SHOX: variants seen among roughly 807,000 people sequenced by gnomAD.
SHOX encodes short stature homeobox protein.
A neutral mutation model predicts 29.6 loss-of-function variants in SHOX; 12 were observed. The ratio of observed to expected loss-of-function variants is 0.41; its 90% CI spans 0.26 to 0.66. The LOEUF (loss-of-function observed/expected upper bound fraction) is 0.66. Among genes scored for constraint, SHOX ranks in the 30% least tolerant of loss-of-function variants. SHOX has a pLI of 0.35. For synonymous variants in SHOX, 214 were observed against 200.6 expected, an observed-to-expected ratio of 1.07 and a Z score of -0.57; for missense variants, 499 against 437.7, an observed-to-expected ratio of 1.14 and a Z score of -1.25.
At chrX:641,550 G>A (rs943612208) in intron 4 of SHOX, among the ~76,000 whole-genome samples, 18 of 152,034 alleles carry the variant, frequency 1.2e-4, no homozygotes, top group African/African-American at 3.4e-4. Flanking sequence ...TTAGCCGGGC[G>A]TGGTGGTGCA....
In SHOX at chrX:640,894, G is replaced by T; in HGVS notation, c.544+16G>T. ...ATGCATAAAGGTGGGTGTCGGGACT[G>T]GGGGGACCTGAAGCTGGGGGATCCT... On this transcript the variant is annotated intron_variant, in intron 3 of 4. Transcript: ENST00000686671. 6.2e-7 allele frequency: 1 copy of T among 1,613,772 alleles called. No homozygotes were observed. The highest frequency in any genetic ancestry group is 8.5e-7 in the Non-Finnish European group (1 of 1,179,738).
At chrX:634,547 G>GCA (rs2052706906) in intron 1 of SHOX, 71 bp from the exon 2 acceptor site, 1 of 1,532,286 alleles carries the variant, frequency 6.5e-7, no homozygotes, top group South Asian at 1.2e-5. Flanking sequence ...ACCGCGGGAT[G>GCA]CACGAAGGGG....
rs1032120237 is a variant in SHOX, at chrX:657,225, T to G, written c.634-1560T>G. On this transcript the variant is annotated intron_variant, in intron 5 of 5. Transcript: ENST00000334060. ...ATCAGTGCATCGTGCAGTGACCTCT[T>G]CAGAAAACCAATGAGTTTTCCACCT... Among the ~76,000 whole-genome samples, 9 of 152,302 alleles carry G rather than the reference T, an allele frequency of 5.9e-5. 1 individual carries two copies. The highest frequency in any genetic ancestry group is 2.2e-4 in the African/African-American group (9 of 41,558).
chrX:627,508 C>T (rs2052559652), upstream of SHOX, among the ~76,000 whole-genome samples: 1 of 152,122 alleles, frequency 6.6e-6, no homozygotes, highest in South Asian at 2.1e-4. Context: ...TTCGCGTAGC[C>T]AGAAACTCTT....
chrX:657,735 G>T (rs2053167216), intron 5 of SHOX, among the ~76,000 whole-genome samples: 1 of 152,180 alleles, frequency 6.6e-6, no homozygotes, highest in South Asian at 2.1e-4. Context: ...TTGAACGATT[G>T]TTGGAAAAGA....
downstream of SHOX, among the ~76,000 whole-genome samples, chrX:652,409 C>T (rs2053080122): frequency 6.9e-6 from 1 of 144,024 alleles, no homozygotes. Context: ...TGGATTTGGC[C>T]GGCCTGACTG....
upstream of SHOX, among the ~76,000 whole-genome samples, chrX:626,278 T>C (rs2052531118): frequency 6.7e-6 from 1 of 149,866 alleles, no homozygotes; most frequent in African/African-American, 2.5e-5. Context: ...TTTCTCTGTC[T>C]CTCTCTGTGT....
At chrX:625,951 G>A (rs1363711472), upstream of SHOX, among the ~76,000 whole-genome samples, 3 of 47,992 alleles carry the variant, frequency 6.3e-5, no homozygotes, top group African/African-American at 2.6e-4. Flanking sequence ...CTCTGTCTTC[G>A]TTCCTCTCTC....
intron 2 of SHOX, among the ~76,000 whole-genome samples, chrX:635,034 A>G (rs2052720323): frequency 6.6e-6 from 1 of 152,112 alleles, no homozygotes; most frequent in Admixed American, 6.5e-5. Flanking sequence ...TTTTTCACCA[A>G]CAGCAAACAA....
intron 5 of SHOX, among the ~76,000 whole-genome samples, chrX:658,257 G>T (rs112796638): frequency 6.6e-6 from 1 of 152,042 alleles, no homozygotes; most frequent in South Asian, 2.1e-4. Context: ...TGACAGACAT[G>T]AGCCAGCACG....
At chrX:635,972 A>ACGG (rs1459188774) in intron 2 of SHOX, among the ~76,000 whole-genome samples, 1 of 151,856 alleles carries the variant, frequency 6.6e-6, no homozygotes, top group Non-Finnish European at 1.5e-5. Context: ...GACAAAGCAA[A>ACGG]CGGCGTTCAA....
chrX:642,861 G>T (rs755187942), intron 4 of SHOX, among the ~76,000 whole-genome samples: 21 of 150,804 alleles, frequency 1.4e-4, no homozygotes, highest in African/African-American at 4.9e-4. Context: ...CCTGGGAGAG[G>T]CTTGGAGATC....
intron 1 of SHOX, among the ~76,000 whole-genome samples, chrX:625,058 C>CCCTCCATCCCTCCCTCCTTCT (rs1556451947): frequency 1.3e-5 from 1 of 75,214 alleles, no homozygotes; most frequent in Non-Finnish European, 2.2e-5. Flanking sequence ...TCTGTTCCTT[C>CCCTCCATCCCTCCCTCCTTCT]CTCCCTCCCT....
In SHOX at chrX:649,664, G is replaced by A. The variant is rs776321990; in HGVS notation, c.*5028G>A. ...AACGTGGGCTGTGTTCCGATGTAAC[G>A]CCGTTGCAGAGAGAGGATTTGGTGT... On this transcript the variant is annotated 3_prime_UTR_variant, in exon 5 of 5. Coordinates refer to ENST00000686671, the MANE Select transcript of SHOX (RefSeq NM_000451.4). 5.9e-5 allele frequency among the ~76,000 whole-genome samples: 9 copies of A among 152,204 alleles called. No homozygotes were observed. In the South Asian group the frequency reaches 1.9e-3, roughly 32 times the overall value.
At chrX:641,110 G>A (rs1325924352) in intron 4 of SHOX, 23 bp downstream of exon 4, 3 of 1,609,344 alleles carry the variant, frequency 1.9e-6, no homozygotes, top group East Asian at 2.2e-5. Flanking sequence ...TTCTTCCTCT[G>A]AAGATCCCTA....
At chrX:630,406 A>ACCTGT, upstream of SHOX, 1 of 158,906 alleles carries the variant, frequency 6.3e-6, no homozygotes, top group Admixed American at 6.1e-5. Flanking sequence ...GGGCGGCCGG[A>ACCTGT]CGACTGGGAC....
At position 649,924 on chromosome X, in the gene SHOX, C is replaced by T. The variant is rs138668932; in HGVS notation, c.*5288C>T. On this transcript the variant is annotated 3_prime_UTR_variant, in exon 5 of 5. Transcript: ENST00000686671. The stretch of plus-strand genomic sequence containing the variant: ...ATATCCACTTTTCTCTCTCTTTTCT[C>T]TCTCTCTGACTGCGAAGCACCCACA... 8.3e-5 allele frequency: 38 copies of T among 456,052 alleles called. No individual in the cohort carries two copies. The East Asian group carries it at 2.4e-3, about 29-fold the overall frequency. 28.3% of individuals were successfully genotyped at this position (456,052 alleles called of 1,614,324 possible). A position where few individuals can be genotyped will look rare whatever the true frequency, so the allele number is the denominator to read the frequency against.
chrX:650,287 T>C lies in SHOX; in HGVS notation c.*5651T>C, dbSNP rs1335005654. ...GTGTCTCCCGTACGGGAAGGAGGCC[T>C]TTGGGCCGCTCCAAAGACGCCCTGT... On this transcript the variant is annotated 3_prime_UTR_variant, in exon 5 of 5. Transcript: ENST00000686671. 6.6e-6 allele frequency among the ~76,000 whole-genome samples: 1 copy of C among 152,130 alleles called. No homozygotes were observed. The highest frequency in any genetic ancestry group is 2.4e-5 in the African/African-American group (1 of 41,444).
Position 649,592 on chromosome X carries a change from C to T in SHOX, c.*4956C>T, listed in dbSNP as rs1202251763. 1.3e-5 allele frequency among the ~76,000 whole-genome samples: 2 copies of T among 152,192 alleles called. No individual in the cohort carries two copies. The highest frequency in any genetic ancestry group is 4.8e-5 in the African/African-American group (2 of 41,456). On this transcript the variant is annotated 3_prime_UTR_variant, in exon 5 of 5. Coordinates refer to ENST00000686671, the MANE Select transcript of SHOX (RefSeq NM_000451.4). Reference sequence around the variant, plus strand: ...AGTCACGTTCCTGCTTTCCCTGTGGCTTCCCGGTGAGCTCGCTCGCAGAGC... The same window carrying T: ...AGTCACGTTCCTGCTTTCCCTGTGGTTTCCCGGTGAGCTCGCTCGCAGAGC...
Sources: gnomAD v4.1 joint callset for allele counts (sites outside exome capture counted in the v4.1 genomes callset) on GRCh38, gnomAD v4.1.1 for gene constraint, MANE v1.5 for transcripts, NCBI Gene and HGNC (gene_info 2026-07-23, HGNC 2026-07-21) for gene names.